Variants in SORCS2 observed in about 807,000 individuals in gnomAD.
The protein encoded by SORCS2 is VPS10 domain-containing receptor SorCS2.
Under a neutral mutation model 141.6 loss-of-function variants are expected in SORCS2, and 100 were observed. The ratio of observed to expected loss-of-function variants is 0.71; its 90% CI spans 0.60 to 0.83. The LOEUF is 0.83. SORCS2 is among the 40% of genes least tolerant of loss of function. The pLI, the probability that SORCS2 is intolerant of heterozygous loss-of-function variation, is 0.00. For synonymous variants in SORCS2, 789 were observed against 676.9 expected, an observed-to-expected ratio of 1.17 and a Z score of -2.57; for missense variants, 1,646 against 1,560.2, an observed-to-expected ratio of 1.05 and a Z score of -0.93.
chr4:7,527,983 C>T (rs572903799), intron 2 of SORCS2, among the ~76,000 whole-genome samples: 11 of 152,200 alleles, frequency 7.2e-5, no homozygotes, highest in Admixed American at 6.5e-4. Flanking sequence ...CTGTTGGCAT[C>T]GCTGCTCCCG....
chr4:7,614,686 A>G (rs966773187), intron 3 of SORCS2, among the ~76,000 whole-genome samples: 2 of 149,384 alleles, frequency 1.3e-5, no homozygotes, highest in Non-Finnish European at 3.0e-5. Flanking sequence ...CAATCCATCT[A>G]TCCATCCACC....
intron 1 of SORCS2, among the ~76,000 whole-genome samples, chr4:7,322,036 A>G (rs898058880): frequency 6.6e-6 from 1 of 152,142 alleles, no homozygotes; most frequent in Non-Finnish European, 1.5e-5. Context: ...CCTCCAAGAA[A>G]CAGGCTTTTT....
At chr4:7,441,521 G>C (rs1282694541) in intron 2 of SORCS2, among the ~76,000 whole-genome samples, 1 of 152,004 alleles carries the variant, frequency 6.6e-6, no homozygotes, top group Non-Finnish European at 1.5e-5. Context: ...GCCGGCAGGA[G>C]AGGGAAGCGC....
At chr4:7,570,828 G>A (rs1457807101) in intron 3 of SORCS2, among the ~76,000 whole-genome samples, 1 of 152,206 alleles carries the variant, frequency 6.6e-6, no homozygotes, top group African/African-American at 2.4e-5. Context: ...CTATTGGCAG[G>A]GGATGGGGGT....
chr4:7,212,951 C>A (rs945089821), intron 1 of SORCS2, among the ~76,000 whole-genome samples: 4 of 152,226 alleles, frequency 2.6e-5, no homozygotes, highest in Admixed American at 2.6e-4. Flanking sequence ...CTGGGGGGAA[C>A]AACCCGTGGC....
chr4:7,734,239 G>A (rs752462165), intron 24 of SORCS2, 33 bp from the exon 25 acceptor site: 17 of 1,524,876 alleles, frequency 1.1e-5, no homozygotes, highest in South Asian at 2.4e-5. Context: ...GGCGGTGCCC[G>A]AGGTCCTCCA....
rs138214081 is a variant in SORCS2, at chr4:7,693,593, G to C, written c.1592-3605G>C. 1.6e-4 allele frequency among the ~76,000 whole-genome samples: 24 copies of C among 152,328 alleles called. 1 individual carries two copies. Among genetic ancestry groups the C allele is most frequent in the African/African-American group, 5.3e-4 (22 of 41,574 alleles). On this transcript the variant is annotated intron_variant, in intron 11 of 26. Coordinates refer to ENST00000507866, the MANE Select transcript of SORCS2 (RefSeq NM_020777.3). ...CCAGCTGATCATCCAGACGTCCTCA[G>C]GATCCAACACAGAGCAGAGGCCAGT...
chr4:7,723,921 C>G (rs749640978), intron 19 of SORCS2, 38 bp downstream of exon 19: 132 of 1,537,654 alleles, frequency 8.6e-5, no homozygotes, highest in Non-Finnish European at 1.1e-4. Context: ...AGGTCACTCC[C>G]TTTGAGAGAG....
At chr4:7,726,169 C>G (rs1265983080) in intron 20 of SORCS2, among the ~76,000 whole-genome samples, 1 of 152,224 alleles carries the variant, frequency 6.6e-6, no homozygotes, top group African/African-American at 2.4e-5. Context: ...AGAGCCATGG[C>G]TCATCCACAG....
intron 1 of SORCS2, among the ~76,000 whole-genome samples, chr4:7,287,632 G>C (rs1716317476): frequency 1.3e-5 from 2 of 152,378 alleles, no homozygotes; most frequent in African/African-American, 2.4e-5. Flanking sequence ...TTAGAGTTCA[G>C]CCAGTGGACT....
chr4:7,329,034 AG>A (rs1371137944), intron 1 of SORCS2, among the ~76,000 whole-genome samples: 1 of 152,180 alleles, frequency 6.6e-6, no homozygotes, highest in Non-Finnish European at 1.5e-5. Context: ...TCATGCAGGA[AG>A]GCCATGTGTG....
intron 1 of SORCS2, among the ~76,000 whole-genome samples, chr4:7,317,195 A>G (rs1277545973): frequency 6.6e-6 from 1 of 152,168 alleles, no homozygotes; most frequent in Non-Finnish European, 1.5e-5. Flanking sequence ...GGAACCCTAC[A>G]GTGACAAAGC....
Position 7,450,678 on chromosome 4 carries a change from C to T in SORCS2, c.548+54323C>T, listed in dbSNP as rs112346746. 3.9e-3 allele frequency among the ~76,000 whole-genome samples: 589 copies of T among 152,304 alleles called. 3 individuals carry two copies. The highest frequency in any genetic ancestry group is 0.013 in the African/African-American group (544 of 41,550). Reference sequence around the variant, plus strand: ...GCCTGGCACATGGGACATGTACATCCGCAGCAGACTGAATGAATCTGAGTG... The same window carrying T: ...GCCTGGCACATGGGACATGTACATCTGCAGCAGACTGAATGAATCTGAGTG... On this transcript the variant is annotated intron_variant, in intron 2 of 26. Coordinates refer to ENST00000507866, the MANE Select transcript of SORCS2 (RefSeq NM_020777.3).
chr4:7,526,439 T>G (rs1001001730), intron 2 of SORCS2, among the ~76,000 whole-genome samples: 2 of 151,280 alleles, frequency 1.3e-5, no homozygotes, highest in African/African-American at 4.8e-5. Context: ...CTAGGATTCC[T>G]GGTAGATCAC....
intron 1 of SORCS2, among the ~76,000 whole-genome samples, chr4:7,390,853 T>C (rs151335758): frequency 6.6e-6 from 1 of 152,254 alleles, no homozygotes; most frequent in East Asian, 1.9e-4. Context: ...TTTCATGATG[T>C]TTGGGGGTTC....
chr4:7,703,154 C>T (rs75041172), intron 12 of SORCS2, 126 bp from the exon 13 acceptor site: 29 of 689,986 alleles, frequency 4.2e-5, no homozygotes, highest in African/African-American at 3.5e-4. Flanking sequence ...ACCCTCAGAC[C>T]GGCCTTGGCC....
intron 4 of SORCS2, 84 bp downstream of exon 4, chr4:7,638,576 A>T: frequency 7.0e-7 from 1 of 1,428,010 alleles, no homozygotes; most frequent in Non-Finnish European, 9.3e-7. Context: ...ACTTGGAGCA[A>T]GTGGGACCCG....
intron 2 of SORCS2, among the ~76,000 whole-genome samples, chr4:7,509,627 C>A (rs528575833): frequency 6.6e-6 from 1 of 152,206 alleles, no homozygotes; most frequent in African/African-American, 2.4e-5. Flanking sequence ...GGGTGAACCA[C>A]CAGGAAGAAG....
Position 7,532,722 on chromosome 4 carries a change from G to A in SORCS2, c.648+1093G>A, listed in dbSNP as rs74652399. Among the ~76,000 whole-genome samples, 1,333 of 152,152 alleles carry A rather than the reference G, an allele frequency of 8.8e-3. 15 individuals are homozygous for A. Among genetic ancestry groups the A allele is most frequent in the African/African-American group, 0.031 (1,280 of 41,478 alleles). ...ATGGAACGAGGGGGCTGAGATGCGTGCAGCCTTGATTGGGCCGTCTCGGTG... is the reference window on the plus strand; with the variant it reads ...ATGGAACGAGGGGGCTGAGATGCGTACAGCCTTGATTGGGCCGTCTCGGTG... On this transcript the variant is annotated intron_variant, in intron 3 of 26. Coordinates refer to ENST00000507866, the MANE Select transcript of SORCS2 (RefSeq NM_020777.3).
Sources: gnomAD v4.1 joint callset for allele counts (sites outside exome capture counted in the v4.1 genomes callset) on GRCh38, gnomAD v4.1.1 for gene constraint, MANE v1.5 for transcripts, NCBI Gene and HGNC (gene_info 2026-07-23, HGNC 2026-07-21) for gene names.